PCDHGB1: variants seen among roughly 807,000 people sequenced by gnomAD.
PCDHGB1 encodes protocadherin gamma-B1.
PCDHGB1 carries 34 observed loss-of-function variants against 56.6 expected under a neutral mutation model. The ratio of observed to expected loss-of-function variants is 0.60; its 90% CI spans 0.46 to 0.80. The LOEUF (loss-of-function observed/expected upper bound fraction) is 0.80. Among genes scored for constraint, PCDHGB1 ranks in the 30% least tolerant of loss-of-function variants. The pLI is 0.00. For missense variants in PCDHGB1, 1,278 were observed against 1,204.6 expected (o/e 1.06, Z -0.90); for synonymous variants, 561 against 505.9 (o/e 1.11, Z -1.46).
At chr5:141,414,888 C>T (rs1452402953) in intron 1 of PCDHGB1, 2 of 1,614,210 alleles carry the variant, frequency 1.2e-6, no homozygotes, top group Non-Finnish European at 1.7e-6. Flanking sequence ...ACCCCGCCCT[C>T]CCCACAGACG....
rs2099811015 is a variant in PCDHGB1 at position 141,501,774 on chromosome 5, G to GTC, written c.2469-3612_2469-3611dup. ...CTCTCAGTAAATGGTTAAAAAAGAG[G>GTC]TCTCTCTCCCTCTGCTCATCTCTTA... is the stretch of plus-strand genomic sequence containing the variant. On this transcript the variant is annotated intron_variant, in intron 2 of 3. Coordinates refer to ENST00000523390, the MANE Select transcript of PCDHGB1 (RefSeq NM_018922.3). Among the ~76,000 whole-genome samples, 3 of 152,062 alleles carry GTC rather than the reference G, an allele frequency of 2.0e-5. No homozygotes were observed. In the South Asian group the frequency reaches 6.2e-4, roughly 32 times the overall value.
At chr5:141,383,356 C>A (rs1046340065) in intron 1 of PCDHGB1, 1 of 1,613,884 alleles carries the variant, frequency 6.2e-7, no homozygotes, top group Non-Finnish European at 8.5e-7. Context: ...GGTTCGGTTT[C>A]CGTTAAGCGA....
At chr5:141,474,772 G>T (rs1053853138) in intron 1 of PCDHGB1, among the ~76,000 whole-genome samples, 1 of 152,182 alleles carries the variant, frequency 6.6e-6, no homozygotes, top group Non-Finnish European at 1.5e-5. Context: ...AATAGTATGA[G>T]GCTCTAACAC....
chr5:141,384,870 C>T lies in PCDHGB1; in HGVS notation c.2409+32201C>T, dbSNP rs573213865. 2.6e-5 allele frequency: 42 copies of T among 1,613,806 alleles called. No homozygotes were observed. The Admixed American group carries it at 4.7e-4, about 18-fold the overall frequency. Reference sequence around the variant, plus strand: ...ACGGTCAGCCTCCTCTGTCAGCCACCGTCACACTCACCGTGGCTGTGGCTG... The same window carrying T: ...ACGGTCAGCCTCCTCTGTCAGCCACTGTCACACTCACCGTGGCTGTGGCTG... On this transcript the variant is annotated intron_variant, in intron 1 of 3. Coordinates refer to ENST00000523390, the MANE Select transcript of PCDHGB1 (RefSeq NM_018922.3).
rs762574320 is a variant in PCDHGB1, at chr5:141,485,926, G to A, written c.2410-8881G>A. The A allele has an allele frequency of 2.0e-5, 32 of 1,614,090 alleles. No individual in the cohort carries two copies. Among genetic ancestry groups the A allele is most frequent in the Admixed American group, 1.2e-4 (7 of 60,006 alleles). ...AGCAATCCAGCTACAGGATTAGTGT[G>A]TTGGAGAGCGCACCAGCGGGCATGG... On this transcript the variant is annotated intron_variant, in intron 1 of 3. Transcript: ENST00000523390. The surrounding 1 kb of genome is among the most constrained non-coding windows in gnomAD (Gnocchi z 5.7).
intron 1 of PCDHGB1, among the ~76,000 whole-genome samples, chr5:141,482,765 T>C (rs2099572013): frequency 7.9e-6 from 1 of 127,068 alleles, no homozygotes; most frequent in African/African-American, 3.6e-5. Flanking sequence ...TATTTCATTA[T>C]CACTGAACCT....
chr5:141,414,791 G>A (rs375736950), intron 1 of PCDHGB1: 43 of 1,614,120 alleles, frequency 2.7e-5, no homozygotes, highest in Non-Finnish European at 3.3e-5. Context: ...GTGACAGCCA[G>A]CGACAGCGGG....
At chr5:141,418,000 G>A (rs758811293) in intron 1 of PCDHGB1, 6 of 1,613,902 alleles carry the variant, frequency 3.7e-6, no homozygotes, top group Admixed American at 1.7e-5. Context: ...GCTCGGTGGT[G>A]GGGAACCTCG....
intron 1 of PCDHGB1, among the ~76,000 whole-genome samples, chr5:141,437,411 T>C (rs1014219268): frequency 1.1e-4 from 17 of 152,222 alleles, no homozygotes; most frequent in African/African-American, 4.1e-4. Flanking sequence ...TCCAGAAGTA[T>C]TATGCTTTTT....
At chr5:141,510,408 T>C (rs1447722710) in intron 3 of PCDHGB1, among the ~76,000 whole-genome samples, 1 of 151,878 alleles carries the variant, frequency 6.6e-6, no homozygotes, top group African/African-American at 2.4e-5. Flanking sequence ...GCTAGGGGCA[T>C]GTAAAGCCAT....
Position 141,431,349 on chromosome 5 carries a change from A to G in PCDHGB1, c.2410-63458A>G. 1.2e-6 allele frequency: 2 copies of G among 1,614,026 alleles called. No individual in the cohort carries two copies. The highest frequency in any genetic ancestry group is 4.5e-5 in the East Asian group (2 of 44,874). On this transcript the variant is annotated intron_variant, in intron 1 of 3. Coordinates refer to ENST00000523390, the MANE Select transcript of PCDHGB1 (RefSeq NM_018922.3). This position sits in a 1 kb window ranked among gnomAD's most constrained non-coding sequence, Gnocchi z 4.8. ...AGTAAGTACCCCGAATTGGTGCTGAAACGCGCCCTGGACCGCGAAGAAAAG... is the reference window on the plus strand; with the variant it reads ...AGTAAGTACCCCGAATTGGTGCTGAGACGCGCCCTGGACCGCGAAGAAAAG...
intron 1 of PCDHGB1, chr5:141,370,587 A>G (rs775639424): frequency 6.8e-6 from 11 of 1,613,960 alleles, no homozygotes; most frequent in Non-Finnish European, 8.5e-6. Context: ...ACCTACTAGG[A>G]ACCTGCGGGT....
intron 1 of PCDHGB1, chr5:141,382,889 G>A: frequency 2.0e-5 from 30 of 1,532,432 alleles, no homozygotes; most frequent in Non-Finnish European, 2.5e-5. Context: ...AGCAAGAGAA[G>A]CAGGACGACT....
At chr5:141,371,159 G>T in intron 1 of PCDHGB1, 2 of 1,614,024 alleles carry the variant, frequency 1.2e-6, no homozygotes, top group Non-Finnish European at 1.7e-6. Context: ...CAGAGAACCT[G>T]CCCGCTGGCT....
rs1430298222 is a variant in PCDHGB1, at chr5:141,476,741, A to C, written c.2410-18066A>C. ...CGCCCTGGACCGAGAACGGGAGCCTAGTCTCCAGTTAGTGCTGACGGCGTT... is the reference window on the plus strand; with the variant it reads ...CGCCCTGGACCGAGAACGGGAGCCTCGTCTCCAGTTAGTGCTGACGGCGTT... On this transcript the variant is annotated intron_variant, in intron 1 of 3. Coordinates refer to ENST00000523390, the MANE Select transcript of PCDHGB1 (RefSeq NM_018922.3). The surrounding 1 kb of genome is among the most constrained non-coding windows in gnomAD (Gnocchi z 7.6). 1 of 1,613,936 alleles carries C rather than the reference A, an allele frequency of 6.2e-7. No homozygotes were observed. Among genetic ancestry groups the C allele is most frequent in the South Asian group, 1.1e-5 (1 of 91,088 alleles).
chr5:141,408,669 C>T lies in PCDHGB1; in HGVS notation c.2409+56000C>T, dbSNP rs2095146839. ...GCTGGTACACGACTATCGCTTGACCCTGCCACGGATCCTGATATAAACATA... is the reference window on the plus strand; with the variant it reads ...GCTGGTACACGACTATCGCTTGACCTTGCCACGGATCCTGATATAAACATA... On this transcript the variant is annotated intron_variant, in intron 1 of 3. Transcript: ENST00000523390. The T allele has an allele frequency of 2.5e-6, 4 of 1,613,988 alleles. No homozygotes were observed. Among genetic ancestry groups the T allele is most frequent in the South Asian group, 2.2e-5 (2 of 91,078 alleles).
intron 1 of PCDHGB1, among the ~76,000 whole-genome samples, chr5:141,354,747 G>C (rs1295935407): frequency 1.3e-5 from 2 of 152,038 alleles, no homozygotes; most frequent in Non-Finnish European, 2.9e-5. Flanking sequence ...ACTGAAAAGA[G>C]GAAGAACACA....
At chr5:141,357,538 A>T in intron 1 of PCDHGB1, 1 of 1,614,228 alleles carries the variant, frequency 6.2e-7, no homozygotes, top group Non-Finnish European at 8.5e-7. Context: ...AGACACGCTC[A>T]TCAGCCGGGA....
intron 1 of PCDHGB1, among the ~76,000 whole-genome samples, chr5:141,484,211 G>A (rs1362875959): frequency 6.6e-6 from 1 of 152,158 alleles, no homozygotes; most frequent in Non-Finnish European, 1.5e-5. Context: ...ATGAACATTA[G>A]CATTCTGCCA....
Sources: allele counts gnomAD v4.1 joint callset (sites outside exome capture counted in the v4.1 genomes callset), GRCh38; gene constraint gnomAD v4.1.1; non-coding constraint Gnocchi (gnomAD v3.1); transcripts MANE v1.5; gene names NCBI Gene and HGNC (gene_info 2026-07-23, HGNC 2026-07-21).